GPC6: variants seen among roughly 807,000 people sequenced by gnomAD.
GPC6 encodes the protein glypican 6.
Under a neutral mutation model 55.2 loss-of-function variants are expected in GPC6, and 14 were observed. The ratio of observed to expected loss-of-function variants is 0.25; its 90% CI spans 0.17 to 0.40. GPC6 has a LOEUF of 0.40. GPC6 is among the 10% of genes least tolerant of loss of function. The probability of loss-of-function intolerance (pLI) is 1.00; values close to 1 mark genes in which losing one functional copy is unlikely to be tolerated. For missense variants in GPC6, 641 were observed against 708.5 expected, an observed-to-expected ratio of 0.90 and a Z score of 1.08; for synonymous variants, 278 against 259.6, an observed-to-expected ratio of 1.07 and a Z score of -0.68.
intron 3 of GPC6, among the ~76,000 whole-genome samples, chr13:93,993,538 C>T (rs989956360): frequency 2.1e-4 from 32 of 152,076 alleles, no homozygotes; most frequent in Non-Finnish European, 3.8e-4. Context: ...TCAAATGATC[C>T]ACCCGCCTCA....
chr13:94,017,110 G>A (rs1029913180), intron 3 of GPC6, among the ~76,000 whole-genome samples: 1 of 152,152 alleles, frequency 6.6e-6, no homozygotes, highest in Non-Finnish European at 1.5e-5. Context: ...TGGAATTACA[G>A]GTTTAAGCCA....
intron 4 of GPC6, among the ~76,000 whole-genome samples, chr13:94,140,970 C>G (rs1033562402): frequency 6.6e-6 from 1 of 151,650 alleles, no homozygotes; most frequent in African/African-American, 2.4e-5. Context: ...CATGTGTTAA[C>G]AGGAAAAATA....
intron 6 of GPC6, among the ~76,000 whole-genome samples, chr13:94,374,618 T>G (rs1879748201): frequency 6.7e-6 from 1 of 150,130 alleles, no homozygotes; most frequent in East Asian, 2.0e-4. Context: ...AATGGGAGAC[T>G]TTAACACCCC....
intron 2 of GPC6, among the ~76,000 whole-genome samples, chr13:93,594,483 T>C (rs1424810085): frequency 6.6e-6 from 1 of 152,122 alleles, no homozygotes. Context: ...TCTTTAAAAG[T>C]ACTGTGACTG....
intron 1 of GPC6, among the ~76,000 whole-genome samples, chr13:93,470,909 G>A (rs964790167): frequency 6.6e-6 from 1 of 151,602 alleles, no homozygotes; most frequent in Non-Finnish European, 1.5e-5. Flanking sequence ...CTAAAATGTT[G>A]GATTTATGTT....
At chr13:93,961,351 C>G (rs1879766258) in intron 3 of GPC6, among the ~76,000 whole-genome samples, 1 of 152,180 alleles carries the variant, frequency 6.6e-6, no homozygotes, top group Non-Finnish European at 1.5e-5. Context: ...ATAACAGTTG[C>G]ATTTACCTCC....
chr13:93,683,810 T>C (rs186719205), intron 2 of GPC6, among the ~76,000 whole-genome samples: 25 of 152,282 alleles, frequency 1.6e-4, no homozygotes, highest in Admixed American at 6.5e-4. Flanking sequence ...CAAAGTATTA[T>C]AGATTGAATG....
At chr13:93,461,886 T>TG (rs1878706830) in intron 1 of GPC6, among the ~76,000 whole-genome samples, 1 of 152,186 alleles carries the variant, frequency 6.6e-6, no homozygotes, top group African/African-American at 2.4e-5. Flanking sequence ...TCCCAAGGCC[T>TG]GGGCACACAG....
chr13:93,759,470 A>G (rs1594432820), intron 2 of GPC6, among the ~76,000 whole-genome samples: 1 of 152,212 alleles, frequency 6.6e-6, no homozygotes, highest in Admixed American at 6.5e-5. Context: ...TAAAGTTTAC[A>G]TCAGGCATTT....
chr13:93,281,362 T>C (rs761647625), intron 1 of GPC6, among the ~76,000 whole-genome samples: 9 of 152,198 alleles, frequency 5.9e-5, no homozygotes, highest in Non-Finnish European at 1.2e-4. Context: ...TAGATTGCCA[T>C]CATCTTGCTG....
intron 3 of GPC6, among the ~76,000 whole-genome samples, chr13:93,944,620 C>T (rs1338273833): frequency 6.6e-6 from 1 of 152,184 alleles, no homozygotes; most frequent in African/African-American, 2.4e-5. Context: ...ATCCCAATCA[C>T]ATGTGTACTC....
chr13:94,174,590 A>G (rs1188788880), intron 4 of GPC6, among the ~76,000 whole-genome samples: 1 of 152,162 alleles, frequency 6.6e-6, no homozygotes, highest in Non-Finnish European at 1.5e-5. Flanking sequence ...ACAAGAAAGA[A>G]AAGCATGTAA....
chr13:93,720,760 G>A (rs1028811797), intron 2 of GPC6, among the ~76,000 whole-genome samples: 9 of 151,898 alleles, frequency 5.9e-5, no homozygotes, highest in Admixed American at 2.0e-4. Flanking sequence ...ATTCTGGTAC[G>A]TTGTGTCTTT....
Position 94,242,177 on chromosome 13 carries a change from T to A in GPC6, c.878-44172T>A, listed in dbSNP as rs570158522. On this transcript the variant is annotated intron_variant, in intron 4 of 8. Transcript: ENST00000377047. ...AGTGAGAACATGCGGTGTTTGGTTT[T>A]TTGTCCTTGCGATAGTTTACTGAGA... Among the ~76,000 whole-genome samples, 3 of 152,184 alleles carry A rather than the reference T, an allele frequency of 2.0e-5. No individual in the cohort carries two copies. The East Asian group carries it at 5.8e-4, about 30-fold the overall frequency.
At chr13:94,103,077 C>T (rs879422644) in intron 4 of GPC6, among the ~76,000 whole-genome samples, 1 of 152,172 alleles carries the variant, frequency 6.6e-6, no homozygotes, top group Non-Finnish European at 1.5e-5. Context: ...TGATGTTCCC[C>T]TCCCTGTGTC....
intron 2 of GPC6, among the ~76,000 whole-genome samples, chr13:93,781,174 G>A (rs1363599141): frequency 6.6e-6 from 1 of 151,702 alleles, no homozygotes; most frequent in African/African-American, 2.4e-5. Context: ...TACTCGAGAG[G>A]CTGAGGCAAG....
chr13:93,684,984 G>A (rs1399730699), intron 2 of GPC6, among the ~76,000 whole-genome samples: 3 of 151,972 alleles, frequency 2.0e-5, no homozygotes, highest in Non-Finnish European at 4.4e-5. Flanking sequence ...TCTTTTAACT[G>A]AAAAAAATGC....
chr13:93,914,145 C>T (rs1877159650), intron 3 of GPC6, among the ~76,000 whole-genome samples: 1 of 152,024 alleles, frequency 6.6e-6, no homozygotes, highest in Non-Finnish European at 1.5e-5. Context: ...ATACATGTGC[C>T]ATGTTGGTGT....
At chr13:93,949,945 C>T (rs1879178764) in intron 3 of GPC6, among the ~76,000 whole-genome samples, 1 of 152,106 alleles carries the variant, frequency 6.6e-6, no homozygotes. Flanking sequence ...CCAGGCTGGT[C>T]TCCAACTCCT....
Sources: allele counts gnomAD v4.1 joint callset (sites outside exome capture counted in the v4.1 genomes callset), GRCh38; gene constraint gnomAD v4.1.1; transcripts MANE v1.5; gene names NCBI Gene and HGNC (gene_info 2026-07-23, HGNC 2026-07-21).